SLC25A48: variants seen among roughly 807,000 people sequenced by gnomAD.
The protein encoded by SLC25A48 is solute carrier family 25 member 48, also known as CTC-321K16.1.
Under a neutral mutation model 32.2 loss-of-function variants are expected in SLC25A48, and 29 were observed. The ratio of observed to expected loss-of-function variants is 0.90; its 90% CI spans 0.67 to 1.23. SLC25A48 has a LOEUF of 1.23. Among genes scored for constraint, SLC25A48 ranks in the 50% most tolerant of loss-of-function variants. The pLI is 0.00. For synonymous variants in SLC25A48, 164 were observed against 172.3 expected (o/e 0.95, Z 0.38); for missense variants, 399 against 422.7 (o/e 0.94, Z 0.49).
At chr5:135,792,356 C>T (rs983031323) in intron 3 of SLC25A48, among the ~76,000 whole-genome samples, 13 of 151,454 alleles carry the variant, frequency 8.6e-5, no homozygotes, top group Non-Finnish European at 1.8e-4. Context: ...AGTGGTTGTA[C>T]GCCATGTGTG....
chr5:135,660,220 C>G (rs1753362511), intron 3 of SLC25A48, among the ~76,000 whole-genome samples: 1 of 152,162 alleles, frequency 6.6e-6, no homozygotes, highest in Non-Finnish European at 1.5e-5. Flanking sequence ...CACACTTTAC[C>G]TAGCTTCCCC....
intron 2 of SLC25A48, among the ~76,000 whole-genome samples, chr5:135,632,046 G>A (rs1339358640): frequency 2.0e-4 from 30 of 152,202 alleles, no homozygotes. Context: ...CTGAGGATGA[G>A]GATGAAAGAG....
In SLC25A48 at chr5:135,750,450, T is replaced by C. The variant is rs1755743178; in HGVS notation, c.-520-62073T>C. Among the ~76,000 whole-genome samples, 3 of 152,310 alleles carry C rather than the reference T, an allele frequency of 2.0e-5. No individual in the cohort carries two copies. In the South Asian group the frequency reaches 6.2e-4, roughly 32 times the overall value. On this transcript the variant is annotated intron_variant, in intron 3 of 10. Coordinates refer to the SLC25A48 transcript ENST00000646290. ...GTGGCCTCCCTCTCTCAGTATTCAG[T>C]GGTCTAGCCTGAGTACCTTTAAATG...
At chr5:135,655,636 C>A (rs1753227772) in intron 3 of SLC25A48, among the ~76,000 whole-genome samples, 1 of 152,200 alleles carries the variant, frequency 6.6e-6, no homozygotes, top group Admixed American at 6.5e-5. Flanking sequence ...CTGTGCAAAT[C>A]TTTTCACTCA....
chr5:135,734,668 T>A (rs1176709609), intron 3 of SLC25A48, among the ~76,000 whole-genome samples: 1 of 151,460 alleles, frequency 6.6e-6, no homozygotes, highest in Admixed American at 6.6e-5. Context: ...ACAAAAAAAA[T>A]TAGCCGGGCG....
chr5:135,708,314 T>C (rs766366051), intron 3 of SLC25A48, among the ~76,000 whole-genome samples: 1 of 152,168 alleles, frequency 6.6e-6, no homozygotes, highest in Non-Finnish European at 1.5e-5. Flanking sequence ...CAAAAGTTAT[T>C]CCAAAGCAAA....
At chr5:135,745,043 G>A (rs2084636404) in intron 3 of SLC25A48, among the ~76,000 whole-genome samples, 1 of 152,124 alleles carries the variant, frequency 6.6e-6, no homozygotes. Flanking sequence ...AGACCAGCTC[G>A]GTTGTGGAGA....
At chr5:135,757,372 TATC>T (rs532443573) in intron 3 of SLC25A48, among the ~76,000 whole-genome samples, 32 of 149,736 alleles carry the variant, frequency 2.1e-4, no homozygotes, top group Admixed American at 1.3e-3. Flanking sequence ...ATTAATAAAA[TATC>T]ATCTATATGA....
intron 3 of SLC25A48, among the ~76,000 whole-genome samples, chr5:135,743,622 T>G (rs1451726906): frequency 6.6e-6 from 1 of 152,180 alleles, no homozygotes; most frequent in African/African-American, 2.4e-5. Context: ...AAATGTCTCA[T>G]TACTGCTCAA....
At chr5:135,736,285 T>C (rs1012342675) in intron 3 of SLC25A48, among the ~76,000 whole-genome samples, 2 of 152,154 alleles carry the variant, frequency 1.3e-5, no homozygotes, top group Non-Finnish European at 2.9e-5. Flanking sequence ...ACAAAAATTA[T>C]CTAGGTCTTG....
At chr5:135,687,023 C>A (rs1580785081) in intron 3 of SLC25A48, among the ~76,000 whole-genome samples, 1 of 151,542 alleles carries the variant, frequency 6.6e-6, no homozygotes, top group Admixed American at 6.6e-5. Flanking sequence ...CAGACCATGA[C>A]AATTTTTAAA....
chr5:135,654,363 G>A (rs999240059), intron 3 of SLC25A48, among the ~76,000 whole-genome samples: 5 of 152,232 alleles, frequency 3.3e-5, no homozygotes, highest in Non-Finnish European at 7.3e-5. Context: ...ACGATTCTGG[G>A]ACATAGGGTT....
intron 3 of SLC25A48, among the ~76,000 whole-genome samples, chr5:135,803,716 CAT>C (rs1283492179): frequency 6.6e-6 from 1 of 151,120 alleles, no homozygotes; most frequent in Non-Finnish European, 1.5e-5. Context: ...TATTATGAAT[CAT>C]ATCAAAGGGT....
chr5:135,591,845 T>C (rs1751535224), intron 1 of SLC25A48, among the ~76,000 whole-genome samples: 1 of 152,184 alleles, frequency 6.6e-6, no homozygotes, highest in African/African-American at 2.4e-5. Flanking sequence ...TTAGTCTCTC[T>C]CTCCTTGCTC....
chr5:135,789,222 T>C (rs1051796345), intron 3 of SLC25A48, among the ~76,000 whole-genome samples: 10 of 146,026 alleles, frequency 6.8e-5, no homozygotes, highest in African/African-American at 2.1e-4. Context: ...ATATGGTTTG[T>C]AATATTTAAG....
intron 3 of SLC25A48, among the ~76,000 whole-genome samples, chr5:135,785,771 C>T (rs944169620): frequency 2.0e-5 from 3 of 147,092 alleles, no homozygotes; most frequent in Non-Finnish European, 4.5e-5. Context: ...CCCGCTTGCC[C>T]CATGGATCGT....
chr5:135,673,003 GCTT>G (rs1489434544), intron 3 of SLC25A48, among the ~76,000 whole-genome samples: 1 of 151,968 alleles, frequency 6.6e-6, no homozygotes, highest in African/African-American at 2.4e-5. Context: ...TATTTATCTG[GCTT>G]CTTTCAGCAT....
At chr5:135,788,692 G>GAGA (rs398072611) in intron 3 of SLC25A48, among the ~76,000 whole-genome samples, 1 of 150,074 alleles carries the variant, frequency 6.7e-6, no homozygotes, top group East Asian at 2.0e-4. Flanking sequence ...TAATATCCAG[G>GAGA]GGGGGAAGAG....
Position 135,673,876 on chromosome 5 carries a change from T to C in SLC25A48, c.-521+38920T>C, listed in dbSNP as rs546771014. On this transcript the variant is annotated intron_variant, in intron 3 of 10. Transcript: ENST00000646290. ...GGTCTATTATCTGTTTCAAGTTAAT[T>C]TTTATATATGATATGAGGTAAGATG... Among the ~76,000 whole-genome samples the C allele has an allele frequency of 2.5e-3, 380 of 152,088 alleles. 4 individuals are homozygous for C. The highest frequency in any genetic ancestry group is 4.6e-3 in the Non-Finnish European group (309 of 67,896).
Sources: allele counts gnomAD v4.1 joint callset (sites outside exome capture counted in the v4.1 genomes callset), GRCh38; gene constraint gnomAD v4.1.1; transcripts MANE v1.5; gene names NCBI Gene and HGNC (gene_info 2026-07-23, HGNC 2026-07-21).